The following SDK1 variants were observed in gnomAD, a reference collection of about 807,000 sequenced individuals.
The protein encoded by SDK1 is sidekick cell adhesion molecule 1, also known as protein sidekick-1.
SDK1 carries 157 observed loss-of-function variants against 245.5 expected under a neutral mutation model. That is an observed-to-expected ratio of 0.64 (90% CI 0.56 to 0.73). The LOEUF is 0.73. Ranked by LOEUF, SDK1 falls within the 30% of genes least tolerant of loss-of-function variation. The pLI is 0.00. For missense variants in SDK1, 3,583 were observed against 3,002.3 expected, an observed-to-expected ratio of 1.19 and a Z score of -4.52; for synonymous variants, 1,647 against 1,278.5, an observed-to-expected ratio of 1.29 and a Z score of -6.15.
chr7:3,742,967 A>G (rs932206910), intron 4 of SDK1, among the ~76,000 whole-genome samples: 7 of 152,186 alleles, frequency 4.6e-5, no homozygotes, highest in Admixed American at 6.5e-5. Flanking sequence ...CAGATGAATG[A>G]CCCTCATTAA....
chr7:3,843,629 C>T (rs1029386677), intron 5 of SDK1, among the ~76,000 whole-genome samples: 14 of 152,142 alleles, frequency 9.2e-5, no homozygotes, highest in Non-Finnish European at 1.0e-4. Context: ...TTATTGTGGG[C>T]ACTCAGACAT....
At chr7:3,364,759 G>C (rs895455483) in intron 1 of SDK1, among the ~76,000 whole-genome samples, 3 of 151,982 alleles carry the variant, frequency 2.0e-5, no homozygotes, top group African/African-American at 7.3e-5. Flanking sequence ...GGTTATTCTA[G>C]TTCCTTTGTC....
intron 1 of SDK1, among the ~76,000 whole-genome samples, chr7:3,363,955 CATT>C (rs751093403): frequency 3.3e-5 from 5 of 152,180 alleles, no homozygotes; most frequent in Non-Finnish European, 7.3e-5. Context: ...ACATCCTCAT[CATT>C]ATTTGGTGTT....
intron 1 of SDK1, among the ~76,000 whole-genome samples, chr7:3,497,297 AG>A (rs35269505): frequency 8.5e-5 from 13 of 152,206 alleles, no homozygotes; most frequent in Non-Finnish European, 1.0e-4. Context: ...AATGTACGCA[AG>A]GGGACTGGTG....
chr7:3,827,305 T>G (rs1583454885), intron 5 of SDK1, among the ~76,000 whole-genome samples: 1 of 152,312 alleles, frequency 6.6e-6, no homozygotes, highest in East Asian at 1.9e-4. Flanking sequence ...TCCTTTCATA[T>G]TCACATTCTA....
At chr7:3,627,991 T>G (rs887958879) in intron 2 of SDK1, among the ~76,000 whole-genome samples, 1 of 152,194 alleles carries the variant, frequency 6.6e-6, no homozygotes, top group Non-Finnish European at 1.5e-5. Context: ...CATTTCTTTC[T>G]CAAATCTCTC....
chr7:4,212,410 C>T (rs999134180), intron 38 of SDK1, among the ~76,000 whole-genome samples: 3 of 151,140 alleles, frequency 2.0e-5, no homozygotes, highest in East Asian at 1.9e-4. Context: ...TGTGAAAATC[C>T]GAGAAAGAAA....
rs550228932 is a variant in SDK1 at position 3,640,404 on chromosome 7, C to A, written c.565+1294C>A. ...TAATATCTAGTTATTTTACCATAAG[C>A]CTAATGACTGAGTGAAGTGGAGATG... On this transcript the variant is annotated intron_variant, in intron 3 of 44. Transcript: ENST00000404826. Among the ~76,000 whole-genome samples the A allele has an allele frequency of 6.6e-5, 10 of 152,182 alleles. No individual in the cohort carries two copies. In the South Asian group the frequency reaches 1.7e-3, roughly 25 times the overall value.
chr7:3,712,195 C>T (rs1360519044), intron 4 of SDK1, among the ~76,000 whole-genome samples: 1 of 152,268 alleles, frequency 6.6e-6, no homozygotes, highest in East Asian at 1.9e-4. Context: ...AGCCATTCCC[C>T]ATCACTTGCA....
chr7:4,243,390 T>G (rs1786648137), intron 43 of SDK1, among the ~76,000 whole-genome samples: 1 of 152,222 alleles, frequency 6.6e-6, no homozygotes, highest in South Asian at 2.1e-4. Context: ...CATCACCTTT[T>G]CAGTCCTAGC....
At chr7:3,333,319 G>A (rs1562420425) in intron 1 of SDK1, among the ~76,000 whole-genome samples, 1 of 152,202 alleles carries the variant, frequency 6.6e-6, no homozygotes, top group Non-Finnish European at 1.5e-5. Flanking sequence ...CTGGTGTTTG[G>A]AAAGTACATA....
At chr7:3,626,718 A>T (rs1333671003) in intron 2 of SDK1, among the ~76,000 whole-genome samples, 1 of 152,168 alleles carries the variant, frequency 6.6e-6, no homozygotes, top group Non-Finnish European at 1.5e-5. Flanking sequence ...CAGTGTAGTA[A>T]CGCCTTTCTT....
At chr7:3,392,036 T>G (rs1781771529) in intron 1 of SDK1, among the ~76,000 whole-genome samples, 1 of 151,468 alleles carries the variant, frequency 6.6e-6, no homozygotes, top group Non-Finnish European at 1.5e-5. Context: ...AAGGCTTTTA[T>G]GGAGACAAAT....
chr7:3,565,338 AG>A (rs1779877781), intron 1 of SDK1, among the ~76,000 whole-genome samples: 1 of 152,158 alleles, frequency 6.6e-6, no homozygotes, highest in Non-Finnish European at 1.5e-5. Context: ...TATTCAACAG[AG>A]GGAGATTGAA....
intron 22 of SDK1, among the ~76,000 whole-genome samples, chr7:4,081,810 C>T (rs1412272847): frequency 6.6e-6 from 1 of 152,140 alleles, no homozygotes; most frequent in Non-Finnish European, 1.5e-5. Flanking sequence ...CAGCAAAAGT[C>T]AATGATCCTC....
At chr7:3,977,553 C>G (rs1259087462) in intron 13 of SDK1, among the ~76,000 whole-genome samples, 2 of 152,256 alleles carry the variant, frequency 1.3e-5, no homozygotes, top group African/African-American at 2.4e-5. Context: ...TCCACTGTCT[C>G]TGCGGTTGGG....
chr7:3,344,660 C>G (rs201685542), intron 1 of SDK1, among the ~76,000 whole-genome samples: 1 of 112,862 alleles, frequency 8.9e-6, no homozygotes, highest in Non-Finnish European at 2.0e-5. Flanking sequence ...ATATCGTGTT[C>G]TTCTTCGTTG....
chr7:4,032,874 C>A (rs1405703012), intron 17 of SDK1, among the ~76,000 whole-genome samples: 1 of 152,200 alleles, frequency 6.6e-6, no homozygotes, highest in African/African-American at 2.4e-5. Context: ...CTCAACATCA[C>A]AGGGAAGTTA....
intron 5 of SDK1, among the ~76,000 whole-genome samples, chr7:3,832,389 A>T (rs1779934373): frequency 6.6e-6 from 1 of 152,172 alleles, no homozygotes; most frequent in African/African-American, 2.4e-5. Flanking sequence ...GTTCAACTCC[A>T]CCTTTACCAC....
Sources: gnomAD v4.1 joint callset for allele counts (sites outside exome capture counted in the v4.1 genomes callset) on GRCh38, gnomAD v4.1.1 for gene constraint, MANE v1.5 for transcripts, NCBI Gene and HGNC (gene_info 2026-07-23, HGNC 2026-07-21) for gene names.